The following KCND2 variants were observed in gnomAD, a reference collection of about 807,000 sequenced individuals.
KCND2 encodes the protein A-type voltage-gated potassium channel KCND2.
KCND2 carries 16 observed loss-of-function variants against 54.4 expected under a neutral mutation model. That is an observed-to-expected ratio of 0.29 (90% CI 0.20 to 0.45). KCND2 has a LOEUF of 0.45. KCND2 is among the 20% of genes least tolerant of loss of function. The probability of loss-of-function intolerance (pLI) is 1.00; values close to 1 mark genes in which losing one functional copy is unlikely to be tolerated. For synonymous variants in KCND2, 317 were observed against 310.7 expected (o/e 1.02, Z -0.21); for missense variants, 486 against 824.2 (o/e 0.59, Z 5.02).
intron 1 of KCND2, among the ~76,000 whole-genome samples, chr7:120,626,320 A>G (rs1435753514): frequency 6.6e-6 from 1 of 152,234 alleles, no homozygotes; most frequent in Non-Finnish European, 1.5e-5. Flanking sequence ...CAAGAGTAGC[A>G]TGGCCTCTTC....
intron 1 of KCND2, among the ~76,000 whole-genome samples, chr7:120,380,778 A>G (rs1314344006): frequency 6.6e-6 from 1 of 152,008 alleles, no homozygotes; most frequent in African/African-American, 2.4e-5. Flanking sequence ...GTTTCCCAAA[A>G]CCCAAACTGA....
At chr7:120,561,495 C>G (rs1190787558) in intron 1 of KCND2, among the ~76,000 whole-genome samples, 2 of 150,212 alleles carry the variant, frequency 1.3e-5, no homozygotes, top group African/African-American at 4.9e-5. Context: ...GGTGAGGAAA[C>G]AGATTCAGAA....
At position 120,273,446 on chromosome 7, in the gene KCND2, C is replaced by G. The variant is rs1248751631; in HGVS notation, c.-1187C>G. On this transcript the variant is annotated 5_prime_UTR_variant, in exon 1 of 6. Transcript: ENST00000331113. ...GCCCCGCCGCCCCGCAGCCCCGCAC[C>G]GCGCTGGCCAGGCTCCCGCGACAGT... Among the ~76,000 whole-genome samples the G allele has an allele frequency of 2.0e-5, 3 of 149,414 alleles. No individual in the cohort carries two copies. The highest frequency in any genetic ancestry group is 4.5e-5 in the Non-Finnish European group (3 of 67,144).
chr7:120,501,717 G>A (rs1359617432), intron 1 of KCND2, among the ~76,000 whole-genome samples: 1 of 152,048 alleles, frequency 6.6e-6, no homozygotes, highest in African/African-American at 2.4e-5. Flanking sequence ...TAAGAAACTC[G>A]ATAAGCCAAT....
chr7:120,503,814 A>G (rs2116320632), intron 1 of KCND2, among the ~76,000 whole-genome samples: 1 of 152,058 alleles, frequency 6.6e-6, no homozygotes, highest in Admixed American at 6.6e-5. Context: ...CACTTTACGC[A>G]ATAGAATACA....
At chr7:120,323,258 T>A (rs1196751560) in intron 1 of KCND2, among the ~76,000 whole-genome samples, 1 of 152,148 alleles carries the variant, frequency 6.6e-6, no homozygotes, top group Admixed American at 6.6e-5. Flanking sequence ...TGGTTTTCTG[T>A]TCCTGTGTTA....
chr7:120,274,359 A>C lies in KCND2; in HGVS notation c.-274A>C. ...TTTGTGCCAGAGGGTGGCCTAGCCC[A>C]CCTGCAGGAAGAGATTTGGCTGGGT... is the stretch of plus-strand genomic sequence containing the variant. On this transcript the variant is annotated 5_prime_UTR_variant, in exon 1 of 6. Transcript: ENST00000331113. 2 of 557,162 alleles carry C rather than the reference A, an allele frequency of 3.6e-6. No individual in the cohort carries two copies. Among genetic ancestry groups the C allele is most frequent in the East Asian group, 6.2e-5 (2 of 32,400 alleles). 34.5% of individuals were successfully genotyped at this position (557,162 alleles called of 1,614,324 possible).
At chr7:120,342,146 AT>A (rs1472304933) in intron 1 of KCND2, among the ~76,000 whole-genome samples, 1 of 152,182 alleles carries the variant, frequency 6.6e-6, no homozygotes, top group Non-Finnish European at 1.5e-5. Flanking sequence ...TTCGGAGAAA[AT>A]TTTGTGTTAG....
chr7:120,581,205 G>A lies in KCND2; in HGVS notation c.1116-151698G>A, dbSNP rs1792511017. The stretch of plus-strand genomic sequence containing the variant: ...CATTCTGAACAAATTTGCCAAATAT[G>A]ACTAGTGTCAACAGACTGCAGATTT... On this transcript the variant is annotated intron_variant, in intron 1 of 5. Coordinates refer to ENST00000331113, the MANE Select transcript of KCND2 (RefSeq NM_012281.3). 2.0e-5 allele frequency among the ~76,000 whole-genome samples: 3 copies of A among 152,316 alleles called. No individual in the cohort carries two copies. In the South Asian group the frequency reaches 6.2e-4, roughly 32 times the overall value.
At chr7:120,320,791 TCG>T (rs1799883840) in intron 1 of KCND2, among the ~76,000 whole-genome samples, 1 of 152,124 alleles carries the variant, frequency 6.6e-6, no homozygotes, top group African/African-American at 2.4e-5. Flanking sequence ...GATTGCTCTG[TCG>T]CTAACCTGGC....
intron 1 of KCND2, among the ~76,000 whole-genome samples, chr7:120,455,416 C>T (rs1286820164): frequency 1.3e-5 from 2 of 152,110 alleles, no homozygotes; most frequent in Admixed American, 6.5e-5. Flanking sequence ...TAGTGGAAGG[C>T]AGTGTGGCAG....
intron 1 of KCND2, among the ~76,000 whole-genome samples, chr7:120,594,791 G>A (rs1469921166): frequency 1.3e-5 from 2 of 152,154 alleles, no homozygotes; most frequent in Admixed American, 1.3e-4. Flanking sequence ...GGAGGCCAAG[G>A]TGGGTGGATC....
At chr7:120,309,790 G>A (rs1050724554) in intron 1 of KCND2, among the ~76,000 whole-genome samples, 6 of 151,968 alleles carry the variant, frequency 3.9e-5, no homozygotes, top group African/African-American at 1.4e-4. Context: ...TTAAAAACTA[G>A]TCCCTAAAAA....
intron 1 of KCND2, among the ~76,000 whole-genome samples, chr7:120,493,111 A>G (rs186755381): frequency 2.6e-5 from 4 of 151,884 alleles, no homozygotes; most frequent in South Asian, 2.1e-4. Context: ...ATTTCAACAT[A>G]TGAATTTTGA....
intron 1 of KCND2, among the ~76,000 whole-genome samples, chr7:120,646,858 G>A (rs928419498): frequency 3.9e-5 from 6 of 152,068 alleles, no homozygotes; most frequent in African/African-American, 1.4e-4. Context: ...GCCTCACTTT[G>A]GTTTTTAAAT....
At chr7:120,656,285 C>T (rs1282863413) in intron 1 of KCND2, among the ~76,000 whole-genome samples, 1 of 151,928 alleles carries the variant, frequency 6.6e-6, no homozygotes, top group Non-Finnish European at 1.5e-5. Flanking sequence ...GTGGAACATA[C>T]CGAAAATACT....
At chr7:120,444,753 G>A (rs1231809182) in intron 1 of KCND2, among the ~76,000 whole-genome samples, 1 of 152,026 alleles carries the variant, frequency 6.6e-6, no homozygotes, top group African/African-American at 2.4e-5. Context: ...ATATAATAAT[G>A]CTATACACTA....
chr7:120,570,848 G>A, intron 1 of KCND2, among the ~76,000 whole-genome samples: 1 of 152,118 alleles, frequency 6.6e-6, no homozygotes, highest in East Asian at 1.9e-4. Flanking sequence ...AGCTAAGGGT[G>A]ACCTTTCCTT....
At chr7:120,361,459 A>G (rs2116400910) in intron 1 of KCND2, among the ~76,000 whole-genome samples, 1 of 151,868 alleles carries the variant, frequency 6.6e-6, no homozygotes, top group African/African-American at 2.4e-5. Context: ...ATTTCTCAGT[A>G]GATTATCTGC....
Sources: gnomAD v4.1 joint callset for allele counts (sites outside exome capture counted in the v4.1 genomes callset) on GRCh38, gnomAD v4.1.1 for gene constraint, MANE v1.5 for transcripts, NCBI Gene and HGNC (gene_info 2026-07-23, HGNC 2026-07-21) for gene names.